IGSF10: variants seen among roughly 807,000 people sequenced by gnomAD.
The protein encoded by IGSF10 is calvaria mechanical force protein 608.
A neutral mutation model predicts 128.2 loss-of-function variants in IGSF10; 126 were observed. The ratio of observed to expected loss-of-function variants is 0.98; its 90% CI spans 0.85 to 1.14. The LOEUF is 1.14. IGSF10 is among the 50% of genes most tolerant of loss of function. The pLI is 0.00. For missense variants in IGSF10, 3,295 were observed against 3,149.8 expected (o/e 1.05, Z -1.10); for synonymous variants, 1,185 against 1,146.2 (o/e 1.03, Z -0.68).
chr3:151,558,018 A>ATATATATT, the IGSF10 span, among the ~76,000 whole-genome samples: 31 of 15,162 alleles, frequency 2.0e-3, no homozygotes, highest in African/African-American at 4.2e-3. Context: ...ATATATATAT[A>ATATATATT]ATATATATAT....
At chr3:151,542,827 C>T in the IGSF10 span, among the ~76,000 whole-genome samples, 1 of 152,118 alleles carries the variant, frequency 6.6e-6, no homozygotes, top group Non-Finnish European at 1.5e-5. Flanking sequence ...ATACTTTTGT[C>T]TTGTTAAAAT....
the IGSF10 span, among the ~76,000 whole-genome samples, chr3:151,593,477 C>A: frequency 2.0e-5 from 3 of 151,820 alleles, no homozygotes. Flanking sequence ...TTATGCATGG[C>A]AAATTATGTC....
In IGSF10 at chr3:151,447,804, A is replaced by C. The variant is rs749967314; in HGVS notation, c.2177T>G (p.Leu726Arg). The C allele has an allele frequency of 6.2e-7, 1 of 1,614,088 alleles. No individual in the cohort carries two copies. The highest frequency in any genetic ancestry group is 1.7e-5 in the Admixed American group (1 of 60,018). ...SKRHNYRELT[L>R]QRRGDSTHRR... is the part of the protein sequence containing the mutation. ...ATGTGTTGAATCTCCACGTCGCTGG[A>C]GTGTTAATTCCCGATAGTTGTGCCT... Residue 726 changes from leucine (L) to arginine (R), a missense_variant, in exon 6 of 8, where the codon CTC (leucine) becomes CGC (arginine). Physicochemically the swap from Leu to Arg is moderately radical, Grantham distance 102. Transcript: ENST00000282466.
the IGSF10 span, among the ~76,000 whole-genome samples, chr3:151,596,615 C>G: frequency 6.6e-6 from 1 of 152,138 alleles, no homozygotes; most frequent in East Asian, 1.9e-4. Flanking sequence ...CGCCTTCTTT[C>G]TATTCCCAAT....
the IGSF10 span, among the ~76,000 whole-genome samples, chr3:151,511,437 G>A: frequency 1.3e-5 from 2 of 152,138 alleles, no homozygotes; most frequent in Non-Finnish European, 2.9e-5. Flanking sequence ...TCACTATCAG[G>A]CCTGCCCTAA....
chr3:151,594,273 A>AT, the IGSF10 span, among the ~76,000 whole-genome samples: 945 of 146,718 alleles, frequency 6.4e-3, 6 homozygotes, highest in African/African-American at 0.022. Flanking sequence ...AGCAGCAGAG[A>AT]TTTTTTTTTT....
the IGSF10 span, among the ~76,000 whole-genome samples, chr3:151,572,661 A>G: frequency 1.3e-5 from 2 of 152,094 alleles, no homozygotes; most frequent in East Asian, 1.9e-4. Flanking sequence ...GAGCTTTTCA[A>G]AAAAACAGCT....
At chr3:151,487,684 A>T in the IGSF10 span, among the ~76,000 whole-genome samples, 1 of 152,204 alleles carries the variant, frequency 6.6e-6, no homozygotes, top group Admixed American at 6.5e-5. Flanking sequence ...AACATACTCA[A>T]ATCAATAAAC....
At chr3:151,581,806 C>G in the IGSF10 span, among the ~76,000 whole-genome samples, 1 of 152,178 alleles carries the variant, frequency 6.6e-6, no homozygotes, top group Admixed American at 6.5e-5. Flanking sequence ...CATGGTGGCT[C>G]AAGCCTGTAT....
chr3:151,459,274 G>T (rs191508068), intron 2 of IGSF10, among the ~76,000 whole-genome samples: 1 of 152,000 alleles, frequency 6.6e-6, no homozygotes, highest in African/African-American at 2.4e-5. Flanking sequence ...ATACATTTAC[G>T]TGTATATGTG....
chr3:151,458,478 TC>T (rs770422839), intron 3 of IGSF10, 37 bp downstream of exon 3: 7 of 1,495,216 alleles, frequency 4.7e-6, no homozygotes, highest in Non-Finnish European at 6.4e-6. Flanking sequence ...CTGCGACTGA[TC>T]CCTCTTTGAG....
Position 151,445,793 on chromosome 3 carries a change from G to A in IGSF10, c.4188C>T (p.Ser1396=). The A allele has an allele frequency of 6.2e-7, 1 of 1,614,202 alleles. No homozygotes were observed. Among genetic ancestry groups the A allele is most frequent in the Non-Finnish European group, 8.5e-7 (1 of 1,180,040 alleles). ...AAATCCCAGTTGTGTTTTCTGGTGG[G>A]GAATGAGTGAATGCAGAGACACTGG... ...VKPSVSAFTH[S]PPENTTGISS... is the part of the protein sequence containing the mutation. The change falls in exon 6 of 8, where the codon TCC becomes TCT. Residue 1396 remains serine (S), a synonymous_variant. Transcript: ENST00000282466.
the IGSF10 span, among the ~76,000 whole-genome samples, chr3:151,506,891 T>C: frequency 6.6e-6 from 1 of 152,348 alleles, no homozygotes; most frequent in East Asian, 1.9e-4. Flanking sequence ...TCTGCTTCTA[T>C]GTATTTGTAT....
chr3:151,596,222 T>G, the IGSF10 span, among the ~76,000 whole-genome samples: 1 of 152,082 alleles, frequency 6.6e-6, no homozygotes, highest in Non-Finnish European at 1.5e-5. Flanking sequence ...CATAAAGCAA[T>G]AGACAAAACA....
the IGSF10 span, among the ~76,000 whole-genome samples, chr3:151,535,366 C>A: frequency 2.0e-5 from 3 of 152,076 alleles, no homozygotes; most frequent in Non-Finnish European, 2.9e-5. Flanking sequence ...AAACAGAAAA[C>A]CAAATAATAT....
At chr3:151,434,985 C>T (rs1190275893), downstream of IGSF10, 10 of 148,380 alleles carry the variant, frequency 6.7e-5, no homozygotes, top group East Asian at 2.2e-4. Flanking sequence ...TTTACCCCTG[C>T]GCATTATAAA....
the IGSF10 span, among the ~76,000 whole-genome samples, chr3:151,612,081 G>A: frequency 6.6e-6 from 1 of 152,074 alleles, no homozygotes; most frequent in African/African-American, 2.4e-5. Flanking sequence ...CCCTTTCCCT[G>A]TCCCCAAATG....
the IGSF10 span, among the ~76,000 whole-genome samples, chr3:151,579,748 C>G: frequency 6.6e-6 from 1 of 151,730 alleles, no homozygotes; most frequent in East Asian, 1.9e-4. Context: ...AGTGTTTCCC[C>G]CAAGTCACAA....
chr3:151,591,675 A>G, the IGSF10 span, among the ~76,000 whole-genome samples: 2 of 151,984 alleles, frequency 1.3e-5, no homozygotes, highest in Admixed American at 1.3e-4. Context: ...AAAAATGCTA[A>G]ATAGGTTGGA....
Sources: gnomAD v4.1 joint callset for allele counts (sites outside exome capture counted in the v4.1 genomes callset) on GRCh38, gnomAD v4.1.1 for gene constraint, MANE v1.5 for transcripts, NCBI Gene and HGNC (gene_info 2026-07-23, HGNC 2026-07-21) for gene names.